The following CABIN1 variants were observed in gnomAD, a reference collection of about 807,000 sequenced individuals.
CABIN1 encodes calcineurin binding protein 1, also known as calcineurin-binding protein cabin-1.
A neutral mutation model predicts 227.7 loss-of-function variants in CABIN1; 133 were observed. That is an observed-to-expected ratio of 0.58 (90% CI 0.51 to 0.67). The LOEUF (loss-of-function observed/expected upper bound fraction) is 0.67. Ranked by LOEUF, CABIN1 falls within the 30% of genes least tolerant of loss-of-function variation. The probability of loss-of-function intolerance (pLI) is 0.00; values close to 1 mark genes in which losing one functional copy is unlikely to be tolerated. For synonymous variants in CABIN1, 1,086 were observed against 1,155.1 expected (o/e 0.94, Z 1.21); for missense variants, 2,408 against 2,852.5 (o/e 0.84, Z 3.55).
rs1433727438 is a variant in CABIN1 at position 24,167,164 on chromosome 22, C to T, written c.5533C>T (p.Arg1845Cys). The T allele has an allele frequency of 6.8e-6, 11 of 1,608,698 alleles. No individual in the cohort carries two copies. The highest frequency in any genetic ancestry group is 9.3e-6 in the Non-Finnish European group (11 of 1,178,692). ...GGAGGAGCCGCTCTCCCGGCTCAGC[C>T]GCAAGAGGAAGCTCCTGGAGGACAC... ...HPEEPLSRLS[R>C]KRKLLEDTES... is the part of the protein sequence containing the mutation. The change falls in exon 32 of 37, where the codon CGC becomes TGC. Residue 1845 changes from arginine (R) to cysteine (C), a missense_variant. Transcript: ENST00000263119.
Position 24,059,153 on chromosome 22 carries a change from T to C in CABIN1, c.1263-74T>C, listed in dbSNP as rs1319032465. ...TTCTTCCTGACTCAGATTTAGTTTC[T>C]CTAACAGGAAGAGTTCAGATGCTTG... On this transcript the variant is annotated intron_variant, in intron 10 of 36. Transcript: ENST00000263119. 3 of 1,593,394 alleles carry C rather than the reference T, an allele frequency of 1.9e-6. No homozygotes were observed. The African/African-American group carries it at 4.0e-5, about 21-fold the overall frequency.
intron 19 of CABIN1, among the ~76,000 whole-genome samples, chr22:24,079,981 G>T (rs1019543827): frequency 6.6e-6 from 1 of 152,074 alleles, no homozygotes; most frequent in Non-Finnish European, 1.5e-5. Flanking sequence ...CTCCTTTGAG[G>T]TTTGTGATTT....
At chr22:24,022,639 T>C (rs571981917) in intron 1 of CABIN1, among the ~76,000 whole-genome samples, 256 of 152,326 alleles carry the variant, frequency 1.7e-3, no homozygotes, top group African/African-American at 6.0e-3. Flanking sequence ...CATATGCTAG[T>C]GTATGTTGAG....
At chr22:24,137,197 A>G (rs1397610691) in intron 29 of CABIN1, among the ~76,000 whole-genome samples, 3 of 152,154 alleles carry the variant, frequency 2.0e-5, no homozygotes, top group Non-Finnish European at 4.4e-5. Context: ...AAGCCTGTGC[A>G]GTGATATTGG....
In CABIN1 at chr22:24,069,236, T is replaced by A. The variant is rs575323102; in HGVS notation, c.2233-1564T>A. ...TTTTTGGTTGCTATATTGAGCAGAA[T>A]CTTTTTGTTGTTCACTATCTTTTCC... On this transcript the variant is annotated intron_variant, in intron 16 of 36. Transcript: ENST00000263119. Among the ~76,000 whole-genome samples the A allele has an allele frequency of 2.6e-5, 4 of 152,342 alleles. No individual in the cohort carries two copies. In the East Asian group the frequency reaches 7.7e-4, roughly 29 times the overall value.
At chr22:24,120,877 A>G (rs1053185008) in intron 28 of CABIN1, among the ~76,000 whole-genome samples, 6 of 152,246 alleles carry the variant, frequency 3.9e-5, no homozygotes, top group Non-Finnish European at 7.3e-5. Context: ...CATTTGAACA[A>G]TACCACAGAG....
chr22:24,070,728 G>T, intron 16 of CABIN1, 72 bp from the exon 17 acceptor site: 2 of 1,610,420 alleles, frequency 1.2e-6, no homozygotes, highest in African/African-American at 1.3e-5. Context: ...TCCTTCAGTT[G>T]TCTCTGCTCA....
Position 24,098,161 on chromosome 22 carries a change from T to TA in CABIN1, c.4092dup (p.Pro1365ThrfsTer23). The TA allele has an allele frequency of 1.2e-6, 2 of 1,613,832 alleles. No homozygotes were observed. Among genetic ancestry groups the TA allele is most frequent in the Non-Finnish European group, 1.7e-6 (2 of 1,179,974 alleles). On this transcript the variant is annotated frameshift_variant, in exon 26 of 37. Transcript: ENST00000263119. LOFTEE classifies it high-confidence loss of function. ...CGATTGACCACGATTACGTCAAATGTAAAAAACCCCACCAGCAGGCAACGC... is the reference window on the plus strand; with the variant it reads ...CGATTGACCACGATTACGTCAAATGTAAAAAAACCCCACCAGCAGGCAACGC...
intron 19 of CABIN1, among the ~76,000 whole-genome samples, chr22:24,077,496 G>A (rs2040524648): frequency 6.6e-6 from 1 of 152,218 alleles, no homozygotes; most frequent in South Asian, 2.1e-4. Context: ...GGTCCCTGTT[G>A]CTGGTTAGTG....
chr22:24,013,158 A>G (rs1034378723), intron 1 of CABIN1, among the ~76,000 whole-genome samples: 1 of 148,336 alleles, frequency 6.7e-6, no homozygotes, highest in African/African-American at 2.5e-5. Flanking sequence ...TTGCTTACAG[A>G]TGATAAATAT....
chr22:24,065,771 G>A (rs922238508), intron 15 of CABIN1, among the ~76,000 whole-genome samples: 7 of 152,394 alleles, frequency 4.6e-5, no homozygotes, highest in Admixed American at 3.9e-4. Context: ...GGAGGCCGAG[G>A]CTGGCGGATC....
At chr22:24,062,638 C>T (rs1305885554) in intron 13 of CABIN1, among the ~76,000 whole-genome samples, 1 of 152,206 alleles carries the variant, frequency 6.6e-6, no homozygotes, top group Admixed American at 6.5e-5. Context: ...GGATTACAGG[C>T]ATGAGCCACT....
In CABIN1 at chr22:24,084,733, C is replaced by G. The variant is rs904352906; in HGVS notation, c.3065C>G (p.Pro1022Arg). The stretch of plus-strand genomic sequence containing the variant: ...ACCATTGTGCCTCGCACAGAGAGGC[C>G]AGCCCTTAGCCTGGACAAAGTCTCT... ...IATIVPRTER[P>R]ALSLDKVSAY... Residue 1022 changes from proline to arginine, a missense_variant, in exon 21 of 37, where the codon CCA (proline) becomes CGA (arginine). By Grantham distance (103) the Pro-to-Arg change is moderately radical. Transcript: ENST00000263119. 6.2e-7 allele frequency: 1 copy of G among 1,614,112 alleles called. No individual in the cohort carries two copies. The highest frequency in any genetic ancestry group is 8.5e-7 in the Non-Finnish European group (1 of 1,180,056).
At position 24,041,219 on chromosome 22, in the gene CABIN1, C is replaced by A. The variant is rs764601629; in HGVS notation, c.291C>A (p.Ala97=). The A allele has an allele frequency of 6.2e-7, 1 of 1,614,036 alleles. No homozygotes were observed. Among genetic ancestry groups the A allele is most frequent in the African/African-American group, 1.3e-5 (1 of 74,902 alleles). Residue 97 remains alanine (A), a synonymous_variant, in exon 5 of 37, where the codon GCC becomes GCA. Transcript: ENST00000263119. Reference sequence around the variant, plus strand: ...AATATTCCACTTATAAGAACTTGGCCCAGCTGGCAGCCCAGCGGGAGGATC... The same window carrying A: ...AATATTCCACTTATAAGAACTTGGCACAGCTGGCAGCCCAGCGGGAGGATC... ...ILKYSTYKNL[A]QLAAQREDLE...
Position 24,050,383 on chromosome 22 carries a change from G to A in CABIN1, c.657-442G>A, listed in dbSNP as rs117127630. On this transcript the variant is annotated intron_variant, in intron 7 of 36. Coordinates refer to ENST00000263119, the MANE Select transcript of CABIN1 (RefSeq NM_012295.4). ...GTGTGTCTGTGAGAGGACACGTAGG[G>A]CCTCCAAGCCCCTGCCCTTTCTGTA... is the stretch of plus-strand genomic sequence containing the variant. 8.9e-3 allele frequency among the ~76,000 whole-genome samples: 1,353 copies of A among 152,258 alleles called. 4 individuals carry two copies. The highest frequency in any genetic ancestry group is 0.013 in the Non-Finnish European group (910 of 68,000).
Position 24,083,214 on chromosome 22 carries a change from T to G in CABIN1, c.2749-14T>G. On this transcript the variant is annotated splice_polypyrimidine_tract_variant and intron_variant, in intron 19 of 36. Transcript: ENST00000263119. ...CAGGCCCTCACCTCAGGCCATCTCT[T>G]CTGCCCACCACAGGTGCGAGTACTC... is the stretch of plus-strand genomic sequence containing the variant. 6.2e-7 allele frequency: 1 copy of G among 1,611,996 alleles called. No individual in the cohort carries two copies. The highest frequency in any genetic ancestry group is 8.5e-7 in the Non-Finnish European group (1 of 1,179,924).
intron 3 of CABIN1, among the ~76,000 whole-genome samples, chr22:24,037,281 AAAG>A (rs952274451): frequency 5.9e-5 from 9 of 151,564 alleles, no homozygotes; most frequent in Non-Finnish European, 7.4e-5. Context: ...AAAAAAAAGA[AAAG>A]AAAACAATGG....
intron 26 of CABIN1, among the ~76,000 whole-genome samples, chr22:24,102,743 T>G (rs1349201118): frequency 2.6e-5 from 4 of 152,050 alleles, no homozygotes; most frequent in Non-Finnish European, 4.4e-5. Flanking sequence ...GTGGGAGCCT[T>G]GGAGGCTGGT....
At chr22:24,109,908 G>A (rs1459066747) in intron 26 of CABIN1, among the ~76,000 whole-genome samples, 1 of 152,194 alleles carries the variant, frequency 6.6e-6, no homozygotes, top group East Asian at 1.9e-4. Flanking sequence ...GGTGGCTCAC[G>A]CCTGTAATCC....
Sources: allele counts gnomAD v4.1 joint callset (sites outside exome capture counted in the v4.1 genomes callset), GRCh38; gene constraint gnomAD v4.1.1; transcripts MANE v1.5; gene names NCBI Gene and HGNC (gene_info 2026-07-23, HGNC 2026-07-21).